The following ZNF705G variants were observed in gnomAD, a reference collection of about 807,000 sequenced individuals.
The protein encoded by ZNF705G is zinc finger protein 705G, also known as putative zinc finger protein 705G.
Under a neutral mutation model 19.6 loss-of-function variants are expected in ZNF705G, and 23 were observed. That is an observed-to-expected ratio of 1.17 (90% CI 0.84 to 1.66). The LOEUF (loss-of-function observed/expected upper bound fraction) is 1.66. ZNF705G is among the 40% of genes most tolerant of loss of function. ZNF705G has a pLI of 0.00. For synonymous variants in ZNF705G, 146 were observed against 117.7 expected, an observed-to-expected ratio of 1.24 and a Z score of -1.56; for missense variants, 457 against 354.4, an observed-to-expected ratio of 1.29 and a Z score of -2.32.
At chr8:7,358,823 A>G (rs1419695803) in intron 6 of ZNF705G, among the ~76,000 whole-genome samples, 2 of 149,212 alleles carry the variant, frequency 1.3e-5, no homozygotes, top group East Asian at 3.9e-4. Flanking sequence ...GAAAAGCTAC[A>G]CGCCTCCCCC....
chr8:7,367,616 C>T (rs1806917202), intron 2 of ZNF705G, among the ~76,000 whole-genome samples: 4 of 149,600 alleles, frequency 2.7e-5, no homozygotes, highest in Admixed American at 2.6e-4. Flanking sequence ...AAGAGGAAAA[C>T]CCAACGCAGG....
At chr8:7,369,004 T>A (rs1806980438) in intron 2 of ZNF705G, among the ~76,000 whole-genome samples, 2 of 149,514 alleles carry the variant, frequency 1.3e-5, no homozygotes, top group Non-Finnish European at 2.9e-5. Flanking sequence ...TCCACATGGC[T>A]GGGGGGAGGC....
chr8:7,382,690 C>T (rs1807548169), intron 1 of ZNF705G, among the ~76,000 whole-genome samples: 1 of 146,632 alleles, frequency 6.8e-6, no homozygotes, highest in South Asian at 2.1e-4. Flanking sequence ...TTCCACACAT[C>T]TATGGATTAA....
Position 7,381,052 on chromosome 8 carries a change from A to C in ZNF705G, c.-72+400T>G, listed in dbSNP as rs1470999064. 1.3e-3 allele frequency among the ~76,000 whole-genome samples: 175 copies of C among 136,016 alleles called. 6 individuals are homozygous for C. The highest frequency in any genetic ancestry group is 5.8e-3 in the African/African-American group (165 of 28,476). The allele number at this position is 136,016 out of a possible 152,430, so 89.2% of individuals were successfully genotyped here. ...AAAAAAAAAAAAAAAAAAAAAAAAA[A>C]ACACAACACATCTTTGCCGTGATGT... On this transcript the variant is annotated intron_variant, in intron 2 of 6. Coordinates refer to ENST00000400156, the MANE Select transcript of ZNF705G (RefSeq NM_001164457.3).
Position 7,361,148 on chromosome 8 carries a change from T to A in ZNF705G, c.101A>T (p.Asp34Val), listed in dbSNP as rs543662358. 1.3e-6 allele frequency: 2 copies of A among 1,593,062 alleles called. No homozygotes were observed. The highest frequency in any genetic ancestry group is 2.2e-5 in the South Asian group (2 of 90,732). ...GTGACTGATATTTTCCAGCATCACA[T>A]CTCTGTACAGCTTTCTCTTGGATGT... ...MDTSKRKLYR[D>V]VMLENISHLV... Residue 34 changes from aspartate (D) to valine (V), a missense_variant, in exon 4 of 7, where the codon GAT (aspartate) becomes GTT (valine). By Grantham distance (152) the Asp-to-Val change is radical (BLOSUM62 -3). Transcript: ENST00000400156.
intron 2 of ZNF705G, among the ~76,000 whole-genome samples, chr8:7,367,050 G>A (rs1346465558): frequency 2.0e-5 from 3 of 149,682 alleles, no homozygotes; most frequent in South Asian, 4.2e-4. Flanking sequence ...TCTTGGAGGA[G>A]GCAGTTAAAA....
chr8:7,359,344 T>C (rs1806458686), intron 6 of ZNF705G, among the ~76,000 whole-genome samples: 1 of 149,822 alleles, frequency 6.7e-6, no homozygotes, highest in Non-Finnish European at 1.5e-5. Flanking sequence ...ACATCTCAAC[T>C]GCAGCGTTAT....
chr8:7,358,122 T>G lies in ZNF705G; in HGVS notation c.757A>C (p.Lys253Gln), dbSNP rs11995467. 3.7e-3 allele frequency: 5,882 copies of G among 1,607,400 alleles called. 806 individuals carry two copies. In the African/African-American group the frequency reaches 0.072, roughly 20 times the overall value. Residue 253 changes from lysine (K) to glutamine (Q), a missense_variant, in exon 7 of 7, where the codon AAA becomes CAA. By Grantham distance (53) the Lys-to-Gln change is moderately conservative (BLOSUM62 1). Transcript: ENST00000400156. Reference protein sequence around the residue: ...LQRHERTHLGKKCYECDKSGK... With the variant: ...LQRHERTHLGQKCYECDKSGK... Reference sequence around the variant, plus strand: ...CTTTTATCACATTCATAACACTTTTTTCCAAGGTGAGTTCTCTCATGTCTT... The same window carrying G: ...CTTTTATCACATTCATAACACTTTTGTCCAAGGTGAGTTCTCTCATGTCTT...
At chr8:7,380,104 A>G (rs1807422192) in intron 2 of ZNF705G, among the ~76,000 whole-genome samples, 1 of 143,836 alleles carries the variant, frequency 7.0e-6, no homozygotes, top group South Asian at 2.1e-4. Context: ...CCCCCAGAAC[A>G]AAGGGAGCTG....
At chr8:7,358,889 G>A (rs1420690161) in intron 6 of ZNF705G, among the ~76,000 whole-genome samples, 1 of 149,416 alleles carries the variant, frequency 6.7e-6, no homozygotes, top group Non-Finnish European at 1.5e-5. Flanking sequence ...CCATGGCAAT[G>A]CAAACTGATA....
In ZNF705G at chr8:7,361,790, G is replaced by A. The variant is rs539154062; in HGVS notation, c.13-554C>T. On this transcript the variant is annotated intron_variant, in intron 3 of 6. Transcript: ENST00000400156. Reference sequence around the variant, plus strand: ...AATATTTATTAAATATAAGTCATTGGTCCCTTATTCATTAAAAAGTTAGAA... The same window carrying A: ...AATATTTATTAAATATAAGTCATTGATCCCTTATTCATTAAAAAGTTAGAA... Among the ~76,000 whole-genome samples, 80 of 146,486 alleles carry A rather than the reference G, an allele frequency of 5.5e-4. 2 individuals are homozygous for A. The highest frequency in any genetic ancestry group is 8.8e-4 in the Non-Finnish European group (60 of 67,902).
chr8:7,364,890 G>A lies in ZNF705G; in HGVS notation c.-71-1873C>T, dbSNP rs193258030. Reference sequence around the variant, plus strand: ...AACAGCTATTCCTTCAAAAAAATAAGATATTAGAGAATGCCTACAAAGCTT... The same window carrying A: ...AACAGCTATTCCTTCAAAAAAATAAAATATTAGAGAATGCCTACAAAGCTT... On this transcript the variant is annotated intron_variant, in intron 2 of 6. Transcript: ENST00000400156. 2.0e-3 allele frequency among the ~76,000 whole-genome samples: 300 copies of A among 149,576 alleles called. 2 individuals carry two copies. Among genetic ancestry groups the A allele is most frequent in the Non-Finnish European group, 1.8e-3 (122 of 67,976 alleles).
rs573166479 is a variant in ZNF705G at position 7,358,608 on chromosome 8, T to C, written c.319-48A>G. ...TCTTAATGGTTTACCCACATATATC[T>C]ATACATTCATTTCACTACCTTTGAA... On this transcript the variant is annotated intron_variant, in intron 6 of 6. Coordinates refer to ENST00000400156, the MANE Select transcript of ZNF705G (RefSeq NM_001164457.3). 42 of 1,602,480 alleles carry C rather than the reference T, an allele frequency of 2.6e-5. No homozygotes were observed. In the Middle Eastern group the frequency reaches 1.4e-3, roughly 52 times the overall value.
chr8:7,370,178 G>C (rs1381714189), intron 2 of ZNF705G, among the ~76,000 whole-genome samples: 10 of 148,280 alleles, frequency 6.7e-5, no homozygotes, highest in South Asian at 4.2e-4. Context: ...GGCTGAGGCA[G>C]GAGAATGACG....
At chr8:7,359,039 C>A (rs1806438554) in intron 6 of ZNF705G, among the ~76,000 whole-genome samples, 1 of 149,534 alleles carries the variant, frequency 6.7e-6, no homozygotes, top group Non-Finnish European at 1.5e-5. Context: ...TTGTTTATGT[C>A]ATCTTATGTA....
chr8:7,379,898 C>T (rs1362801558), intron 2 of ZNF705G, among the ~76,000 whole-genome samples: 1 of 145,160 alleles, frequency 6.9e-6, no homozygotes, highest in Non-Finnish European at 1.5e-5. Flanking sequence ...CAAAAGACTA[C>T]ATCCTGCCCT....
At chr8:7,385,368 A>T (rs1311131507) in intron 1 of ZNF705G, 130 bp downstream of exon 1, 1 of 148,904 alleles carries the variant, frequency 6.7e-6, no homozygotes, top group Non-Finnish European at 1.5e-5. Context: ...TAATAATACC[A>T]CTAGAAAGTA....
At chr8:7,380,748 C>T (rs1807452799) in intron 2 of ZNF705G, among the ~76,000 whole-genome samples, 2 of 146,714 alleles carry the variant, frequency 1.4e-5, no homozygotes, top group South Asian at 4.2e-4. Flanking sequence ...GAGAAAGCCA[C>T]CTGACTCACG....
intron 2 of ZNF705G, among the ~76,000 whole-genome samples, chr8:7,380,665 A>G (rs1380370075): frequency 7.5e-5 from 11 of 146,024 alleles, no homozygotes; most frequent in Admixed American, 5.3e-4. Context: ...GCAATTGCTG[A>G]TGCTACACAT....
Sources: allele counts gnomAD v4.1 joint callset (sites outside exome capture counted in the v4.1 genomes callset), GRCh38; gene constraint gnomAD v4.1.1; transcripts MANE v1.5; gene names NCBI Gene and HGNC (gene_info 2026-07-23, HGNC 2026-07-21).